The following ELF2 variants were observed in gnomAD, a reference collection of about 807,000 sequenced individuals.
ELF2 encodes the protein ETS-related transcription factor Elf-2.
In ELF2, 11 loss-of-function variants were observed where a neutral mutation model predicts 54.8. The ratio of observed to expected loss-of-function variants is 0.20; its 90% CI spans 0.13 to 0.33. The LOEUF is 0.33. Ranked by LOEUF, ELF2 falls within the 10% of genes least tolerant of loss-of-function variation. The pLI is 1.00. For synonymous variants in ELF2, 203 were observed against 245.1 expected (o/e 0.83, Z 1.61); for missense variants, 513 against 703.0 (o/e 0.73, Z 3.06).
At chr4:139,097,606 G>T (rs1223431794) in intron 4 of ELF2, among the ~76,000 whole-genome samples, 1 of 138,010 alleles carries the variant, frequency 7.2e-6, no homozygotes, top group African/African-American at 2.7e-5. Context: ...GACGGAGCAA[G>T]ACTCTGTCTC....
Position 139,147,154 on chromosome 4 carries a change from C to T in ELF2, c.-251-7657G>A, listed in dbSNP as rs765190451. Among the ~76,000 whole-genome samples, 5 of 152,046 alleles carry T rather than the reference C, an allele frequency of 3.3e-5. No homozygotes were observed. In the South Asian group the frequency reaches 6.2e-4, roughly 19 times the overall value. ...AACTATGCATCCAACAAAGGACCAACGTCCAGAATCCACAGGGAGCTCAAA... is the reference window on the plus strand; with the variant it reads ...AACTATGCATCCAACAAAGGACCAATGTCCAGAATCCACAGGGAGCTCAAA... On this transcript the variant is annotated intron_variant, in intron 1 of 9. Coordinates refer to ENST00000686138, the MANE Select transcript of ELF2 (RefSeq NM_001331036.3).
intron 7 of ELF2, among the ~76,000 whole-genome samples, chr4:139,065,662 AAC>A (rs1195065279): frequency 6.6e-6 from 1 of 152,228 alleles, no homozygotes; most frequent in Non-Finnish European, 1.5e-5. Context: ...ATTACATTAT[AAC>A]ACACTGCCTC....
chr4:139,171,459 G>A (rs1553978841), intron 1 of ELF2, among the ~76,000 whole-genome samples: 1 of 152,062 alleles, frequency 6.6e-6, no homozygotes, highest in East Asian at 1.9e-4. Context: ...TCATCGCCAA[G>A]GTCTGCTTTT....
chr4:139,084,032 T>C, intron 4 of ELF2: 1 of 1,585,282 alleles, frequency 6.3e-7, no homozygotes, highest in Non-Finnish European at 8.6e-7. Flanking sequence ...AGGTGGACAC[T>C]GTACCCCCAG....
At chr4:139,159,745 T>C (rs912019847) in intron 1 of ELF2, among the ~76,000 whole-genome samples, 12 of 152,358 alleles carry the variant, frequency 7.9e-5, no homozygotes, top group Admixed American at 6.5e-4. Flanking sequence ...TGCCTTTTGA[T>C]GGCCTTTGCA....
At chr4:139,170,755 TA>T (rs1208074456) in intron 1 of ELF2, among the ~76,000 whole-genome samples, 4 of 148,834 alleles carry the variant, frequency 2.7e-5, no homozygotes, top group Admixed American at 1.3e-4. Flanking sequence ...TATTATATTA[TA>T]TTTTTTTGAG....
chr4:139,090,206 C>G (rs1004910559), intron 4 of ELF2, among the ~76,000 whole-genome samples: 2 of 152,178 alleles, frequency 1.3e-5, no homozygotes, highest in African/African-American at 4.8e-5. Context: ...AGACTATAGG[C>G]ACACACCACC....
chr4:139,078,484 C>A (rs1161291856), intron 4 of ELF2, among the ~76,000 whole-genome samples: 1 of 151,610 alleles, frequency 6.6e-6, no homozygotes. Flanking sequence ...AATTAAAGGT[C>A]TGGAATACTC....
intron 4 of ELF2, among the ~76,000 whole-genome samples, chr4:139,096,266 T>TA (rs1359807420): frequency 1.3e-5 from 2 of 152,266 alleles, no homozygotes; most frequent in African/African-American, 2.4e-5. Flanking sequence ...TCTTTTGTGA[T>TA]AGTTTATATA....
intron 1 of ELF2, among the ~76,000 whole-genome samples, chr4:139,154,921 C>T (rs1740375246): frequency 6.6e-6 from 1 of 152,176 alleles, no homozygotes; most frequent in African/African-American, 2.4e-5. Context: ...CTTATCTACC[C>T]ACACCTTTTA....
At chr4:139,087,389 A>C (rs557215742) in intron 4 of ELF2, among the ~76,000 whole-genome samples, 11 of 152,366 alleles carry the variant, frequency 7.2e-5, no homozygotes, top group Middle Eastern at 3.4e-3. Flanking sequence ...TGTTGGGATT[A>C]CAGGCATGAT....
At chr4:139,121,399 T>A (rs1004480894) in intron 4 of ELF2, among the ~76,000 whole-genome samples, 2 of 152,052 alleles carry the variant, frequency 1.3e-5, no homozygotes, top group Admixed American at 1.3e-4. Context: ...TGAACCACCA[T>A]GCCCAGCCTA....
intron 1 of ELF2, among the ~76,000 whole-genome samples, chr4:139,176,735 T>C (rs534541612): frequency 6.6e-6 from 1 of 150,700 alleles, no homozygotes; most frequent in South Asian, 2.1e-4. Flanking sequence ...GCCTTCCCCT[T>C]TCTCCAAGTC....
At chr4:139,126,978 C>T (rs1299220892) in intron 3 of ELF2, among the ~76,000 whole-genome samples, 1 of 152,150 alleles carries the variant, frequency 6.6e-6, no homozygotes, top group Non-Finnish European at 1.5e-5. Flanking sequence ...TAAAGGGCAA[C>T]CAGTCCAAAA....
chr4:139,065,180 C>CT, intron 7 of ELF2, among the ~76,000 whole-genome samples: 1 of 152,234 alleles, frequency 6.6e-6, no homozygotes, highest in Non-Finnish European at 1.5e-5. Flanking sequence ...CTCATATTAT[C>CT]TTTAAACACT....
At chr4:139,159,677 T>C (rs534825561) in intron 1 of ELF2, among the ~76,000 whole-genome samples, 1 of 152,358 alleles carries the variant, frequency 6.6e-6, no homozygotes, top group African/African-American at 2.4e-5. Context: ...TGCCTTTTGA[T>C]GGCTGCTTTT....
At chr4:139,160,569 C>T (rs1304154220) in intron 1 of ELF2, among the ~76,000 whole-genome samples, 2 of 152,012 alleles carry the variant, frequency 1.3e-5, no homozygotes, top group East Asian at 1.9e-4. Flanking sequence ...TTTTAGAGGA[C>T]AATAAAACCA....
At chr4:139,079,215 T>C (rs955909246) in intron 4 of ELF2, among the ~76,000 whole-genome samples, 6 of 152,002 alleles carry the variant, frequency 3.9e-5, no homozygotes, top group African/African-American at 1.4e-4. Context: ...CAGGCATAAA[T>C]CACCATGCCT....
At chr4:139,125,077 T>C (rs1173941471) in intron 4 of ELF2, 87 bp downstream of exon 4, 12 of 1,490,184 alleles carry the variant, frequency 8.1e-6, no homozygotes, top group Non-Finnish European at 1.1e-5. Flanking sequence ...AAAAGGTTTT[T>C]CAGTATATTT....
Sources: allele counts gnomAD v4.1 joint callset (sites outside exome capture counted in the v4.1 genomes callset), GRCh38; gene constraint gnomAD v4.1.1; transcripts MANE v1.5; gene names NCBI Gene and HGNC (gene_info 2026-07-23, HGNC 2026-07-21).